Variants in CSMD1 observed in about 807,000 individuals in gnomAD.
CSMD1 encodes CUB and sushi domain-containing protein 1.
In CSMD1, 213 loss-of-function variants were observed where a neutral mutation model predicts 417.5. The observed-to-expected ratio is 0.51, with a 90% CI of 0.46 to 0.57. The LOEUF is 0.57. Among genes scored for constraint, CSMD1 ranks in the 20% least tolerant of loss-of-function variants. CSMD1 has a pLI of 0.00. For missense variants in CSMD1, 6,923 were observed against 4,529.7 expected (o/e 1.53, Z -15.17); for synonymous variants, 2,862 against 1,736.8 (o/e 1.65, Z -16.11).
At chr8:3,873,727 C>T (rs906243121) in intron 5 of CSMD1, among the ~76,000 whole-genome samples, 6 of 152,114 alleles carry the variant, frequency 3.9e-5, no homozygotes, top group Non-Finnish European at 7.4e-5. Context: ...AAATAAAAAG[C>T]CTTTTTCTCA....
chr8:3,726,538 G>A (rs1488890334), intron 6 of CSMD1, among the ~76,000 whole-genome samples: 2 of 152,132 alleles, frequency 1.3e-5, no homozygotes, highest in Non-Finnish European at 2.9e-5. Context: ...GCATAGTTTG[G>A]GTCCAGTGTT....
At chr8:4,211,529 G>A (rs930061297) in intron 3 of CSMD1, among the ~76,000 whole-genome samples, 8 of 152,070 alleles carry the variant, frequency 5.3e-5, no homozygotes, top group Admixed American at 3.9e-4. Context: ...TTTATCTTTT[G>A]TATACTTTTG....
rs1003521004 is a variant in CSMD1 at position 4,142,303 on chromosome 8, A to G, written c.416-110204T>C. On this transcript the variant is annotated intron_variant, in intron 3 of 69. Transcript: ENST00000635120. ...AAGGTAATGTTTCATGCTCCCAAAGATTTGCTATCTTTATCCACCTCATTA... is the reference window on the plus strand; with the variant it reads ...AAGGTAATGTTTCATGCTCCCAAAGGTTTGCTATCTTTATCCACCTCATTA... 4.8e-4 allele frequency among the ~76,000 whole-genome samples: 72 copies of G among 151,152 alleles called. 3 individuals carry two copies. Among genetic ancestry groups the G allele is most frequent in the African/African-American group, 1.8e-3 (72 of 40,544 alleles).
chr8:4,296,696 G>GT (rs371696159), intron 3 of CSMD1, among the ~76,000 whole-genome samples: 86,297 of 114,558 alleles, frequency 0.75, 32,947 homozygotes, highest in East Asian at 0.94. Context: ...GAAAATAAGG[G>GT]TTTTTTTTTT....
In CSMD1 at chr8:4,157,169, A is replaced by T. The variant is rs1413291673; in HGVS notation, c.416-125070T>A. ...AAGTGGTAGAAGAAACATCAGAAGA[A>T]GATTTTGGGACAAGTGACGATGTAT... On this transcript the variant is annotated intron_variant, in intron 3 of 69. Transcript: ENST00000635120. Among the ~76,000 whole-genome samples the T allele has an allele frequency of 5.9e-5, 9 of 152,116 alleles. No individual in the cohort carries two copies. The South Asian group carries it at 8.3e-4, about 14-fold the overall frequency.
intron 2 of CSMD1, among the ~76,000 whole-genome samples, chr8:4,491,055 G>A (rs1340397854): frequency 3.3e-5 from 5 of 152,046 alleles, no homozygotes; most frequent in Non-Finnish European, 1.5e-5. Flanking sequence ...GTGGTGAGGC[G>A]GTCGCCTGCC....
At chr8:3,139,942 A>T (rs1430151825) in intron 41 of CSMD1, among the ~76,000 whole-genome samples, 10 of 131,914 alleles carry the variant, frequency 7.6e-5, no homozygotes, top group Non-Finnish European at 1.4e-4. Context: ...TCCCTCTGTC[A>T]CCCAGACTGG....
At chr8:3,439,234 T>A (rs1480588128) in intron 12 of CSMD1, among the ~76,000 whole-genome samples, 1 of 136,890 alleles carries the variant, frequency 7.3e-6, no homozygotes, top group African/African-American at 2.7e-5. Context: ...CCATCAGCAA[T>A]GTTTGAGTGA....
intron 3 of CSMD1, among the ~76,000 whole-genome samples, chr8:4,307,477 A>G (rs577279534): frequency 6.6e-6 from 1 of 152,302 alleles, no homozygotes; most frequent in Admixed American, 6.5e-5. Context: ...CCCCAAGGAT[A>G]TTAACAGGAA....
At chr8:3,539,774 A>AC (rs1353293200) in intron 10 of CSMD1, among the ~76,000 whole-genome samples, 1 of 151,898 alleles carries the variant, frequency 6.6e-6, no homozygotes, top group Non-Finnish European at 1.5e-5. Flanking sequence ...AAAAAAAAAA[A>AC]AAAACACAAG....
chr8:4,231,715 A>T (rs1256127701), intron 3 of CSMD1, among the ~76,000 whole-genome samples: 2 of 152,198 alleles, frequency 1.3e-5, no homozygotes, highest in Non-Finnish European at 2.9e-5. Context: ...AGTCTTAAGA[A>T]TGTGACTGGT....
At chr8:4,650,624 A>T (rs1379586899) in intron 1 of CSMD1, among the ~76,000 whole-genome samples, 1 of 151,812 alleles carries the variant, frequency 6.6e-6, no homozygotes, top group African/African-American at 2.4e-5. Context: ...GCAAAAAGGA[A>T]GTGACAGCCT....
chr8:3,592,212 C>G (rs1203013168), intron 8 of CSMD1, among the ~76,000 whole-genome samples: 2 of 151,748 alleles, frequency 1.3e-5, no homozygotes, highest in African/African-American at 4.8e-5. Context: ...GAAAGATAAA[C>G]AAGTGGATAG....
At position 3,029,379 on chromosome 8, in the gene CSMD1, G is replaced by A. The variant is rs146413556; in HGVS notation, c.7795C>T (p.Leu2599Phe). The A allele has an allele frequency of 1.2e-5, 20 of 1,611,584 alleles. No homozygotes were observed. Among genetic ancestry groups the A allele is most frequent in the Middle Eastern group, 3.3e-4 (2 of 6,050 alleles). Residue 2599 changes from leucine to phenylalanine, a missense_variant, in exon 51 of 70, where the codon CTC becomes TTC. By Grantham distance (22) the Leu-to-Phe change is conservative. Coordinates refer to ENST00000635120, the MANE Select transcript of CSMD1 (RefSeq NM_033225.6). ...GTCCCATTGGCCTGGCACCGCAGGA[G>A]CCTCCAGCCTTCTAAGTAGTAACCA... is the stretch of plus-strand genomic sequence containing the variant. ...SPGYYLEGWRLLRCQANGTWN... is the reference protein window; with the variant it reads ...SPGYYLEGWRFLRCQANGTWN...
chr8:4,332,784 A>T (rs1799949861), intron 3 of CSMD1, among the ~76,000 whole-genome samples: 1 of 151,986 alleles, frequency 6.6e-6, no homozygotes, highest in Non-Finnish European at 1.5e-5. Context: ...TTCAAATTCA[A>T]AATAGTTATG....
At chr8:3,403,955 T>G (rs1173106683) in intron 15 of CSMD1, among the ~76,000 whole-genome samples, 2 of 152,202 alleles carry the variant, frequency 1.3e-5, no homozygotes, top group Non-Finnish European at 2.9e-5. Flanking sequence ...TTTGTTGCCC[T>G]TCTATTTATC....
intron 11 of CSMD1, among the ~76,000 whole-genome samples, chr8:3,470,173 T>C (rs1469782624): frequency 1.3e-5 from 2 of 152,306 alleles, no homozygotes; most frequent in South Asian, 2.1e-4. Flanking sequence ...TTACATCTTC[T>C]TTAAAGTTTT....
chr8:4,582,065 G>A (rs138214284), intron 2 of CSMD1, among the ~76,000 whole-genome samples: 38 of 151,066 alleles, frequency 2.5e-4, no homozygotes, highest in South Asian at 1.0e-3. Context: ...ACTGCGTTCC[G>A]AGCCTCTTTT....
At chr8:3,303,088 T>G (rs1804542221) in intron 25 of CSMD1, among the ~76,000 whole-genome samples, 1 of 152,226 alleles carries the variant, frequency 6.6e-6, no homozygotes, top group South Asian at 2.1e-4. Context: ...TTCTTTGTAT[T>G]GTCTATGAAA....
Sources: allele counts gnomAD v4.1 joint callset (sites outside exome capture counted in the v4.1 genomes callset), GRCh38; gene constraint gnomAD v4.1.1; transcripts MANE v1.5; gene names NCBI Gene and HGNC (gene_info 2026-07-23, HGNC 2026-07-21).